MAD1L1: variants seen among roughly 807,000 people sequenced by gnomAD.
The protein encoded by MAD1L1 is mitotic arrest deficient 1 like 1.
A neutral mutation model predicts 96.9 loss-of-function variants in MAD1L1; 95 were observed. The ratio of observed to expected loss-of-function variants is 0.98; its 90% CI spans 0.83 to 1.16. MAD1L1 has a LOEUF of 1.16. Among genes scored for constraint, MAD1L1 ranks in the 50% most tolerant of loss-of-function variants. The pLI is 0.00. For missense variants in MAD1L1, 1,007 were observed against 954.4 expected (o/e 1.06, Z -0.73); for synonymous variants, 473 against 396.6 (o/e 1.19, Z -2.29).
intron 18 of MAD1L1, chr7:1,849,114 GCA>G (rs756489441): frequency 2.9e-5 from 3 of 105,034 alleles, no homozygotes; most frequent in Non-Finnish European, 3.9e-5. Flanking sequence ...ACATACACGT[GCA>G]CACACAGACA....
intron 12 of MAD1L1, among the ~76,000 whole-genome samples, chr7:2,059,611 C>T (rs1333527833): frequency 1.1e-4 from 10 of 93,352 alleles, no homozygotes; most frequent in African/African-American, 2.9e-4. Context: ...GGTGGGGAAG[C>T]GTGGCCAGGG....
chr7:1,928,760 C>G (rs1050936882), intron 17 of MAD1L1, among the ~76,000 whole-genome samples: 2 of 152,182 alleles, frequency 1.3e-5, no homozygotes, highest in Non-Finnish European at 2.9e-5. Context: ...GGGGGCATGA[C>G]GTAAACACAG....
At chr7:2,190,035 G>T (rs1791645646) in intron 10 of MAD1L1, among the ~76,000 whole-genome samples, 1 of 152,056 alleles carries the variant, frequency 6.6e-6, no homozygotes, top group Non-Finnish European at 1.5e-5. Flanking sequence ...AAAAGTAAAT[G>T]GGGGGAAAGA....
chr7:1,911,244 C>T (rs762564626), intron 17 of MAD1L1, among the ~76,000 whole-genome samples: 4 of 152,130 alleles, frequency 2.6e-5, no homozygotes, highest in Non-Finnish European at 5.9e-5. Flanking sequence ...ACCAACCCTC[C>T]CTGGCACCAC....
At chr7:2,222,856 A>C in intron 4 of MAD1L1, 102 bp from the exon 5 acceptor site, 10 of 1,009,496 alleles carry the variant, frequency 9.9e-6, no homozygotes, top group African/African-American at 1.6e-5. Context: ...AGGCACAAAA[A>C]AGAGCCGAGC....
At chr7:2,183,043 T>C (rs1235568676) in intron 10 of MAD1L1, among the ~76,000 whole-genome samples, 1 of 151,788 alleles carries the variant, frequency 6.6e-6, no homozygotes, top group African/African-American at 2.4e-5. Context: ...GACAACATAG[T>C]GAGACCCTAT....
chr7:2,152,122 G>A (rs1789606419), intron 10 of MAD1L1, among the ~76,000 whole-genome samples: 1 of 152,352 alleles, frequency 6.6e-6, no homozygotes, highest in Non-Finnish European at 1.5e-5. Flanking sequence ...TGAGGCAGAA[G>A]GCTGGCGCCT....
At chr7:2,014,445 G>GCCCACCGGGAAGAAGC in intron 13 of MAD1L1, 57 bp downstream of exon 13, 1 of 1,509,858 alleles carries the variant, frequency 6.6e-7, no homozygotes, top group African/African-American at 1.4e-5. Context: ...CTCTGCCAAG[G>GCCCACCGGGAAGAAGC]CCCACCGGGA....
At chr7:1,898,414 A>G in intron 17 of MAD1L1, 24 bp from the exon 18 acceptor site, 1 of 1,608,278 alleles carries the variant, frequency 6.2e-7, no homozygotes, top group Non-Finnish European at 8.5e-7. Context: ...GGAAGGAGAC[A>G]GTGAGTGCGG....
chr7:1,972,345 G>T (rs1032908074), intron 15 of MAD1L1, among the ~76,000 whole-genome samples: 2 of 152,270 alleles, frequency 1.3e-5, no homozygotes, highest in East Asian at 3.9e-4. Flanking sequence ...GATATCCTTC[G>T]CATCTTTATG....
At chr7:1,834,243 A>G (rs13222183) in intron 18 of MAD1L1, among the ~76,000 whole-genome samples, 54,946 of 151,632 alleles carry the variant, frequency 0.36, 10,058 homozygotes, top group Admixed American at 0.44. Flanking sequence ...CTCAAATCAG[A>G]GACTTCAGCT....
intron 11 of MAD1L1, among the ~76,000 whole-genome samples, chr7:2,128,967 C>G (rs1385161634): frequency 6.6e-6 from 1 of 152,252 alleles, no homozygotes; most frequent in Non-Finnish European, 1.5e-5. Flanking sequence ...CTTCCCAAGG[C>G]TTCAGGGCAT....
At chr7:1,904,003 G>C (rs374453485) in intron 17 of MAD1L1, among the ~76,000 whole-genome samples, 8 of 119,908 alleles carry the variant, frequency 6.7e-5, no homozygotes, top group East Asian at 3.1e-4. Flanking sequence ...AGGCAGCGAG[G>C]ACGCAGTGGC....
chr7:1,936,755 C>G lies in MAD1L1; in HGVS notation c.1739G>C (p.Arg580Thr). 1 of 1,569,836 alleles carries G rather than the reference C, an allele frequency of 6.4e-7. No individual in the cohort carries two copies. The highest frequency in any genetic ancestry group is 8.6e-7 in the Non-Finnish European group (1 of 1,158,806). ...RLRGLLRAME[R>T]GGTVPADLEA... ...AAGGTCGGCTGGGACGGTGCCTCCT[C>G]TCTCCATGGCGCGCAGGAGCCCGCG... The change falls in exon 17 of 19, where the codon AGA becomes ACA. Residue 580 changes from arginine to threonine, a missense_variant. Arg to Thr is a moderately conservative substitution (Grantham distance 71, BLOSUM62 -1). Coordinates refer to ENST00000265854, the MANE Select transcript of MAD1L1 (RefSeq NM_001013836.2).
intron 10 of MAD1L1, among the ~76,000 whole-genome samples, chr7:2,210,802 G>A (rs73041355): frequency 0.036 from 5,501 of 152,298 alleles, 123 homozygotes; most frequent in African/African-American, 0.058. Flanking sequence ...ACTAGGGGTC[G>A]ACCCCCACAG....
chr7:1,936,663 G>A (rs1159058182), intron 17 of MAD1L1, 24 bp downstream of exon 17: 3 of 1,542,556 alleles, frequency 1.9e-6, no homozygotes, highest in Admixed American at 3.9e-5. Flanking sequence ...AGGATGGCAG[G>A]GACCGGGGGT....
intron 18 of MAD1L1, chr7:1,845,311 G>A (rs548983159): frequency 1.3e-5 from 2 of 152,420 alleles, no homozygotes; most frequent in South Asian, 4.1e-4. Context: ...ATGTGGGAGA[G>A]GCCGGCGGCT....
chr7:1,869,257 G>A (rs1784929186), intron 18 of MAD1L1, among the ~76,000 whole-genome samples: 1 of 152,138 alleles, frequency 6.6e-6, no homozygotes, highest in Non-Finnish European at 1.5e-5. Context: ...CAGCCCACGT[G>A]GAGAGCACCC....
In MAD1L1 at chr7:1,815,974, G is replaced by A. The variant is rs183519101; in HGVS notation, c.*96C>T. 5.8e-5 allele frequency: 78 copies of A among 1,352,864 alleles called. No homozygotes were observed. Among genetic ancestry groups the A allele is most frequent in the Middle Eastern group, 4.2e-4 (2 of 4,778 alleles). 83.8% of individuals were successfully genotyped at this position (1,352,864 alleles called of 1,614,324 possible). A position where few individuals can be genotyped will look rare whatever the true frequency, so the allele number is the denominator to read the frequency against. ...CATGCTGCTGCCCTGTGGGGCTGGA[G>A]AGGCAGGACGTGCACCCAGCCTGTG... On this transcript the variant is annotated 3_prime_UTR_variant, in exon 19 of 19. Coordinates refer to ENST00000265854, the MANE Select transcript of MAD1L1 (RefSeq NM_001013836.2).
Sources: allele counts gnomAD v4.1 joint callset (sites outside exome capture counted in the v4.1 genomes callset), GRCh38; gene constraint gnomAD v4.1.1; transcripts MANE v1.5; gene names NCBI Gene and HGNC (gene_info 2026-07-23, HGNC 2026-07-21).